Variants in SLC25A12 observed in about 807,000 individuals in gnomAD.
The protein encoded by SLC25A12 is electrogenic aspartate/glutamate antiporter SLC25A12, mitochondrial.
Under a neutral mutation model 83.3 loss-of-function variants are expected in SLC25A12, and 32 were observed. That is an observed-to-expected ratio of 0.38 (90% CI 0.29 to 0.52). The LOEUF (loss-of-function observed/expected upper bound fraction) is 0.52, where lower values mean the gene tolerates loss of function less well. SLC25A12 is among the 20% of genes least tolerant of loss of function. The pLI, the probability that SLC25A12 is intolerant of heterozygous loss-of-function variation, is 0.84. For missense variants in SLC25A12, 611 were observed against 835.6 expected, an observed-to-expected ratio of 0.73 and a Z score of 3.31; for synonymous variants, 267 against 291.1, an observed-to-expected ratio of 0.92 and a Z score of 0.84.
intron 15 of SLC25A12, among the ~76,000 whole-genome samples, chr2:171,790,618 G>A (rs999757001): frequency 2.0e-5 from 3 of 152,332 alleles, no homozygotes; most frequent in African/African-American, 7.2e-5. Flanking sequence ...CGTAGGAAAG[G>A]CAAGGATGAA....
chr2:171,883,742 G>A (rs1187701030), intron 2 of SLC25A12, among the ~76,000 whole-genome samples: 1 of 152,102 alleles, frequency 6.6e-6, no homozygotes, highest in Admixed American at 6.6e-5. Context: ...TGCCTCCTAA[G>A]GGCCCTTCAC....
intron 13 of SLC25A12, among the ~76,000 whole-genome samples, chr2:171,794,725 C>A (rs969155157): frequency 6.6e-6 from 1 of 151,722 alleles, no homozygotes; most frequent in Non-Finnish European, 1.5e-5. Flanking sequence ...ATGAAAAATC[C>A]CATTTGTACA....
chr2:171,784,578 A>G lies in SLC25A12; in HGVS notation c.*696T>C, dbSNP rs1044225091. On this transcript the variant is annotated 3_prime_UTR_variant, in exon 18 of 18. Transcript: ENST00000422440. ...CCTAGGAAATGCTTTTTGATTGATG[A>G]ACAGAGGAGGGTCTACACACATTAA... 3 of 152,596 alleles carry G rather than the reference A, an allele frequency of 2.0e-5. No homozygotes were observed. The highest frequency in any genetic ancestry group is 6.5e-5 in the Admixed American group (1 of 15,328). 9.5% of individuals were successfully genotyped at this position (152,596 alleles called of 1,614,324 possible).
At chr2:171,870,150 A>T (rs888923356) in intron 2 of SLC25A12, among the ~76,000 whole-genome samples, 2 of 152,216 alleles carry the variant, frequency 1.3e-5, no homozygotes, top group Non-Finnish European at 2.9e-5. Context: ...ATATTTGGCA[A>T]ATGAATGAAT....
At chr2:171,865,863 T>C (rs916690510) in intron 3 of SLC25A12, among the ~76,000 whole-genome samples, 1 of 151,728 alleles carries the variant, frequency 6.6e-6, no homozygotes, top group Non-Finnish European at 1.5e-5. Flanking sequence ...TTTTTTTTAA[T>C]TGATCATTCT....
At chr2:171,794,221 C>T (rs765104588) in intron 13 of SLC25A12, among the ~76,000 whole-genome samples, 1 of 152,186 alleles carries the variant, frequency 6.6e-6, no homozygotes, top group Non-Finnish European at 1.5e-5. Context: ...GCGTTCTTGG[C>T]AGCAGACCCA....
At chr2:171,870,505 T>G (rs1237189472) in intron 2 of SLC25A12, among the ~76,000 whole-genome samples, 1 of 151,906 alleles carries the variant, frequency 6.6e-6, no homozygotes, top group Admixed American at 6.6e-5. Flanking sequence ...CCTATAGTCC[T>G]AACTACTCAG....
chr2:171,863,577 TCAG>T (rs1411767549), intron 3 of SLC25A12, among the ~76,000 whole-genome samples: 4 of 150,538 alleles, frequency 2.7e-5, no homozygotes, highest in African/African-American at 9.8e-5. Flanking sequence ...ACAATGCAAC[TCAG>T]CCTAGGAGAA....
At chr2:171,878,856 C>T (rs1052293240) in intron 2 of SLC25A12, among the ~76,000 whole-genome samples, 1 of 152,214 alleles carries the variant, frequency 6.6e-6, no homozygotes, top group Non-Finnish European at 1.5e-5. Flanking sequence ...AGTTCTCTTA[C>T]TGTCCTTCAC....
chr2:171,804,647 C>G (rs1558912462), intron 13 of SLC25A12, among the ~76,000 whole-genome samples: 1 of 152,186 alleles, frequency 6.6e-6, no homozygotes, highest in Admixed American at 6.5e-5. Flanking sequence ...TGCAGTGGCT[C>G]GTATCTGTAA....
chr2:171,810,393 T>C, intron 11 of SLC25A12, 117 bp from the exon 12 acceptor site: 1 of 837,944 alleles, frequency 1.2e-6, no homozygotes, highest in South Asian at 1.3e-5. Context: ...GAGTTTTCAT[T>C]AAAATGGGAA....
chr2:171,848,504 T>G lies in SLC25A12; in HGVS notation c.326-3996A>C, dbSNP rs566134221. Among the ~76,000 whole-genome samples the G allele has an allele frequency of 2.6e-5, 4 of 152,126 alleles. No homozygotes were observed. In the East Asian group the frequency reaches 7.7e-4, roughly 29 times the overall value. ...TTTTTAGGACTCCCACCATGAATGGTGAATATCCTTGTACATAGCTGAACA... is the reference window on the plus strand; with the variant it reads ...TTTTTAGGACTCCCACCATGAATGGGGAATATCCTTGTACATAGCTGAACA... On this transcript the variant is annotated intron_variant, in intron 4 of 17. Coordinates refer to ENST00000422440, the MANE Select transcript of SLC25A12 (RefSeq NM_003705.5).
At chr2:171,835,494 G>C (rs1573970479) in intron 6 of SLC25A12, among the ~76,000 whole-genome samples, 1 of 152,252 alleles carries the variant, frequency 6.6e-6, no homozygotes, top group Non-Finnish European at 1.5e-5. Flanking sequence ...CAATGGAATA[G>C]TGCAAAAGAG....
At chr2:171,797,893 C>T (rs1422658773) in intron 13 of SLC25A12, among the ~76,000 whole-genome samples, 2 of 152,112 alleles carry the variant, frequency 1.3e-5, no homozygotes, top group Admixed American at 1.3e-4. Context: ...AGATAACATA[C>T]CACTCTATAT....
chr2:171,791,763 G>A (rs925147740), intron 14 of SLC25A12, among the ~76,000 whole-genome samples, 174 bp from the exon 15 acceptor site: 1 of 152,166 alleles, frequency 6.6e-6, no homozygotes, highest in African/African-American at 2.4e-5. Context: ...GGAGGCGGGA[G>A]ATAAGTGGGG....
At position 171,788,190 on chromosome 2, in the gene SLC25A12, TC is replaced by T. The variant is rs991829333; in HGVS notation, c.1586-244del. 6.6e-6 allele frequency: 3 copies of T among 457,422 alleles called. No homozygotes were observed. The Admixed American group carries it at 1.1e-4, about 17-fold the overall frequency. The allele number at this position is 457,422 out of a possible 1,614,324, so 28.3% of individuals were successfully genotyped here. A position where few individuals can be genotyped will look rare whatever the true frequency, so the allele number is the denominator to read the frequency against. ...AAAAAAATCACTCTACATTGCATGA[TC>T]CCAAATAACTGTGAGAGAGAAAAAA... On this transcript the variant is annotated intron_variant, in intron 15 of 17. Transcript: ENST00000422440.
At chr2:171,831,845 G>A (rs1036285408) in intron 8 of SLC25A12, among the ~76,000 whole-genome samples, 1 of 151,560 alleles carries the variant, frequency 6.6e-6, no homozygotes, top group African/African-American at 2.4e-5. Flanking sequence ...GTTGCAGTGG[G>A]CTGAGATCAT....
chr2:171,863,040 T>C (rs919752738), intron 3 of SLC25A12, among the ~76,000 whole-genome samples: 5 of 152,052 alleles, frequency 3.3e-5, no homozygotes, highest in African/African-American at 9.7e-5. Context: ...GCTAAGGCTA[T>C]AGGCACACAC....
At chr2:171,845,760 T>C (rs773112549) in intron 4 of SLC25A12, 167 of 455,038 alleles carry the variant, frequency 3.7e-4, no homozygotes, top group Non-Finnish European at 2.4e-4. Context: ...TCTGAATAGA[T>C]TGCAGCAATC....
Sources: gnomAD v4.1 joint callset for allele counts (sites outside exome capture counted in the v4.1 genomes callset) on GRCh38, gnomAD v4.1.1 for gene constraint, MANE v1.5 for transcripts, NCBI Gene and HGNC (gene_info 2026-07-23, HGNC 2026-07-21) for gene names.